PDGFB: variants seen among roughly 807,000 people sequenced by gnomAD.
The protein encoded by PDGFB is platelet-derived growth factor subunit B.
Under a neutral mutation model 29.0 loss-of-function variants are expected in PDGFB, and 6 were observed. The ratio of observed to expected loss-of-function variants is 0.21; its 90% CI spans 0.11 to 0.41. PDGFB has a LOEUF of 0.41. PDGFB is among the 10% of genes least tolerant of loss of function. The pLI is 1.00. For synonymous variants in PDGFB, 144 were observed against 140.8 expected (o/e 1.02, Z -0.16); for missense variants, 299 against 341.8 (o/e 0.87, Z 0.99).
chr22:39,228,886 C>CAAAAAAAAAAA lies in PDGFB; in HGVS notation c.601+1197_601+1198insTTTTTTTTTTT, dbSNP rs34953400. 2.8e-4 allele frequency among the ~76,000 whole-genome samples: 20 copies of CAAAAAAAAAAA among 72,562 alleles called. 1 individual carries two copies. The highest frequency in any genetic ancestry group is 4.6e-4 in the Non-Finnish European group (12 of 26,036). 47.6% of individuals were successfully genotyped at this position (72,562 alleles called of 152,430 possible). A position where few individuals can be genotyped will look rare whatever the true frequency, so the allele number is the denominator to read the frequency against. On this transcript the variant is annotated intron_variant, in intron 5 of 6. Transcript: ENST00000331163. ...ACTGCGTGACAGGGTGAGACTGCCT[C>CAAAAAAAAAAA]AAAAAAAATATATATATATATAGAT...
In PDGFB at chr22:39,242,797, G is replaced by T. The variant is rs1932599166; in HGVS notation, c.63+1104C>A. ...CCGACCCTCCCCGGGAGCCGGCGAGGTGCGGGCGAGGTGCGGACTCCCGGC... is the reference window on the plus strand; with the variant it reads ...CCGACCCTCCCCGGGAGCCGGCGAGTTGCGGGCGAGGTGCGGACTCCCGGC... On this transcript the variant is annotated intron_variant, in intron 1 of 6. Transcript: ENST00000331163. This position sits in a 1 kb window ranked among gnomAD's most constrained non-coding sequence, Gnocchi z 5.7. The T allele has an allele frequency of 4.3e-6, 1 of 230,518 alleles. No individual in the cohort carries two copies. The highest frequency in any genetic ancestry group is 2.2e-5 in the African/African-American group (1 of 44,710). 14.3% of individuals were successfully genotyped at this position (230,518 alleles called of 1,614,324 possible). A position where few individuals can be genotyped will look rare whatever the true frequency, so the allele number is the denominator to read the frequency against.
At position 39,224,073 on chromosome 22, in the gene PDGFB, G is replaced by A. The variant is rs1932107536; in HGVS notation, c.*1269C>T. ...CCAGGTGTCCCACACCCACCTGGAA[G>A]GGCAGTTGCTGGAGCAGAGGACTTT... On this transcript the variant is annotated 3_prime_UTR_variant, in exon 7 of 7. Coordinates refer to ENST00000331163, the MANE Select transcript of PDGFB (RefSeq NM_002608.4). 6.6e-6 allele frequency: 1 copy of A among 152,340 alleles called. No homozygotes were observed. Among genetic ancestry groups the A allele is most frequent in the South Asian group, 2.1e-4 (1 of 4,834 alleles). The allele number at this position is 152,340 out of a possible 1,614,324, so 9.4% of individuals were successfully genotyped here. A position where few individuals can be genotyped will look rare whatever the true frequency, so the allele number is the denominator to read the frequency against.
intron 1 of PDGFB, among the ~76,000 whole-genome samples, chr22:39,240,420 TTC>T (rs1392621140): frequency 6.6e-6 from 1 of 152,214 alleles, no homozygotes; most frequent in Non-Finnish European, 1.5e-5. Flanking sequence ...CTGATTTTCT[TTC>T]TGTTTCTTCT....
Position 39,233,501 on chromosome 22 carries a change from G to C in PDGFB, c.184C>G (p.Leu62Val). 2 of 1,592,022 alleles carry C rather than the reference G, an allele frequency of 1.3e-6. No individual in the cohort carries two copies. Among genetic ancestry groups the C allele is most frequent in the Non-Finnish European group, 1.7e-6 (2 of 1,170,686 alleles). ...CCAGAGTGGGAGCGGGTCATGTTCA[G>C]GTCCAACTCGGCCCCATCTTCCTCT... is the stretch of plus-strand genomic sequence containing the variant. ...PGEEDGAELDLNMTRSHSGGE... is the reference protein window; with the variant it reads ...PGEEDGAELDVNMTRSHSGGE... Residue 62 changes from leucine (L) to valine (V), a missense_variant, in exon 3 of 7, where the codon CTG (leucine) becomes GTG (valine). Coordinates refer to ENST00000331163, the MANE Select transcript of PDGFB (RefSeq NM_002608.4).
chr22:39,236,751 C>A (rs1309885033), intron 1 of PDGFB, among the ~76,000 whole-genome samples: 1 of 152,188 alleles, frequency 6.6e-6, no homozygotes, highest in Non-Finnish European at 1.5e-5. Flanking sequence ...GAGGCGAGGG[C>A]AGATGGGAGA....
In PDGFB at chr22:39,243,541, G is replaced by C. The variant is rs1247992420; in HGVS notation, c.63+360C>G. 2.0e-5 allele frequency among the ~76,000 whole-genome samples: 3 copies of C among 152,150 alleles called. No individual in the cohort carries two copies. On this transcript the variant is annotated intron_variant, in intron 1 of 6. Transcript: ENST00000331163. This position sits in a 1 kb window ranked among gnomAD's most constrained non-coding sequence, Gnocchi z 6.4. ...GGCTGGCGCCGAAGTGGGCTCGGGAGGACGCGCTGCCTTCTGCACCCTGGG... is the reference window on the plus strand; with the variant it reads ...GGCTGGCGCCGAAGTGGGCTCGGGACGACGCGCTGCCTTCTGCACCCTGGG...
In PDGFB at chr22:39,244,674, A is replaced by T; in HGVS notation, c.-711T>A. ...CCGGCCGACAGGTGGACGCGGCGCG[A>T]GTCCGTCGGTCCGTCTGCCCGCCCG... On this transcript the variant is annotated 5_prime_UTR_variant, in exon 1 of 7. Transcript: ENST00000331163. The surrounding 1 kb of genome is among the most constrained non-coding windows in gnomAD (Gnocchi z 4.5). 1 of 171,912 alleles carries T rather than the reference A, an allele frequency of 5.8e-6. No homozygotes were observed. The highest frequency in any genetic ancestry group is 9.7e-5 in the East Asian group (1 of 10,274). 10.6% of individuals were successfully genotyped at this position (171,912 alleles called of 1,614,324 possible).
intron 2 of PDGFB, 47 bp from the exon 3 acceptor site, chr22:39,233,571 AGGGGCTCCCTCCGCC>A (rs1932366267): frequency 7.2e-7 from 1 of 1,394,880 alleles, no homozygotes; most frequent in East Asian, 2.5e-5. Flanking sequence ...CACCTTGGGC[AGGGGCTCCCTCCGCC>A]GGGGTGTCTG....
chr22:39,243,927 A>C lies in PDGFB; in HGVS notation c.37T>G (p.Cys13Gly). 1 of 1,607,328 alleles carries C rather than the reference A, an allele frequency of 6.2e-7. No individual in the cohort carries two copies. Among genetic ancestry groups the C allele is most frequent in the Non-Finnish European group, 8.5e-7 (1 of 1,177,222 alleles). The change falls in exon 1 of 7, where the codon TGC (cysteine) becomes GGC (glycine). Residue 13 changes from cysteine to glycine, a missense_variant. By Grantham distance (159) the Cys-to-Gly change is radical. Transcript: ENST00000331163. The surrounding 1 kb of genome is among the most constrained non-coding windows in gnomAD (Gnocchi z 6.4). Reference protein sequence around the residue: ...RCWALFLSLCCYLRLVSAEGD... With the variant: ...RCWALFLSLCGYLRLVSAEGD... ...TCGGCGCTGACCAGACGCAGGTAGC[A>C]GCAGAGAGACAGGAAGAGCGCCCAG...
At chr22:39,236,665 C>T (rs2146447972) in intron 1 of PDGFB, among the ~76,000 whole-genome samples, 1 of 152,124 alleles carries the variant, frequency 6.6e-6, no homozygotes, top group East Asian at 1.9e-4. Flanking sequence ...ACAAGAGCAG[C>T]CCCGTAGGAA....
Position 39,243,284 on chromosome 22 carries a change from C to CTT in PDGFB, c.63+616_63+617insAA, listed in dbSNP as rs1932616390. Among the ~76,000 whole-genome samples the CTT allele has an allele frequency of 6.6e-6, 1 of 151,974 alleles. No homozygotes were observed. Among genetic ancestry groups the CTT allele is most frequent in the African/African-American group, 2.4e-5 (1 of 41,348 alleles). ...TCTCTCTCTCTCTCTTTCTCTCTCT[C>CTT]TCTCTCTCTCTCCCTGTTACTCCCA... On this transcript the variant is annotated intron_variant, in intron 1 of 6. Transcript: ENST00000331163. This position sits in a 1 kb window ranked among gnomAD's most constrained non-coding sequence, Gnocchi z 6.4.
At chr22:39,234,857 G>C (rs1417733897) in intron 2 of PDGFB, among the ~76,000 whole-genome samples, 1 of 152,242 alleles carries the variant, frequency 6.6e-6, no homozygotes, top group Admixed American at 6.5e-5. Flanking sequence ...GGCTTGGAAA[G>C]AAATGGTAGA....
chr22:39,234,773 T>A (rs2146445012), intron 2 of PDGFB, among the ~76,000 whole-genome samples: 1 of 152,350 alleles, frequency 6.6e-6, no homozygotes, highest in Non-Finnish European at 1.5e-5. Flanking sequence ...ACAGGCCTGC[T>A]ATTGAAACCT....
intron 3 of PDGFB, among the ~76,000 whole-genome samples, chr22:39,232,779 T>A (rs1569136478): frequency 6.6e-6 from 1 of 152,016 alleles, no homozygotes; most frequent in Non-Finnish European, 1.5e-5. Context: ...TGAGCCACCA[T>A]GCCCGGCCCA....
chr22:39,235,475 G>A (rs1290605891), intron 2 of PDGFB, among the ~76,000 whole-genome samples: 1 of 152,144 alleles, frequency 6.6e-6, no homozygotes, highest in African/African-American at 2.4e-5. Context: ...GCCCACACCT[G>A]GAGACATACT....
intron 1 of PDGFB, among the ~76,000 whole-genome samples, chr22:39,237,536 C>T (rs1181899832): frequency 1.3e-5 from 2 of 152,198 alleles, no homozygotes; most frequent in South Asian, 2.1e-4. Flanking sequence ...CCCTCACTTT[C>T]GGCCCCATCT....
chr22:39,242,280 G>C lies in PDGFB; in HGVS notation c.63+1621C>G. 9.7e-6 allele frequency: 2 copies of C among 206,978 alleles called. No individual in the cohort carries two copies. Among genetic ancestry groups the C allele is most frequent in the East Asian group, 7.3e-5 (1 of 13,782 alleles). The allele number at this position is 206,978 out of a possible 1,614,324, so 12.8% of individuals were successfully genotyped here. ...GGAGCGCAGCATCGCCTCCGGCCAG[G>C]AGTGTGCATGCGTGGGGTGAGTGAG... On this transcript the variant is annotated intron_variant, in intron 1 of 6. Coordinates refer to ENST00000331163, the MANE Select transcript of PDGFB (RefSeq NM_002608.4). The surrounding 1 kb of genome is among the most constrained non-coding windows in gnomAD (Gnocchi z 5.7).
rs970439579 is a variant in PDGFB at position 39,243,228 on chromosome 22, C to G, written c.63+673G>C. 1.3e-5 allele frequency among the ~76,000 whole-genome samples: 2 copies of G among 150,790 alleles called. No homozygotes were observed. Among genetic ancestry groups the G allele is most frequent in the East Asian group, 2.0e-4 (1 of 5,060 alleles). On this transcript the variant is annotated intron_variant, in intron 1 of 6. Transcript: ENST00000331163. The surrounding 1 kb of genome is among the most constrained non-coding windows in gnomAD (Gnocchi z 6.4). Reference sequence around the variant, plus strand: ...TACCTGCGTCTCTATCTTTCTCTCCCTCTCTCTCTCCGTCTCTCTCTCCGT... The same window carrying G: ...TACCTGCGTCTCTATCTTTCTCTCCGTCTCTCTCTCCGTCTCTCTCTCCGT...
intron 1 of PDGFB, among the ~76,000 whole-genome samples, chr22:39,239,932 G>A (rs1932529496): frequency 6.6e-6 from 1 of 152,166 alleles, no homozygotes; most frequent in Admixed American, 6.5e-5. Context: ...AACCAGGGGC[G>A]TTGTCTGTGG....
Sources: gnomAD v4.1 joint callset for allele counts (sites outside exome capture counted in the v4.1 genomes callset) on GRCh38, gnomAD v4.1.1 for gene constraint, Gnocchi (gnomAD v3.1) non-coding constraint, MANE v1.5 for transcripts, NCBI Gene and HGNC (gene_info 2026-07-23, HGNC 2026-07-21) for gene names.